PLA2G6: variants seen among roughly 807,000 people sequenced by gnomAD.
The protein encoded by PLA2G6 is phospholipase A2 group VI, also known as 85/88 kDa calcium-independent phospholipase A2.
A neutral mutation model predicts 83.8 loss-of-function variants in PLA2G6; 62 were observed. The ratio of observed to expected loss-of-function variants is 0.74; its 90% CI spans 0.60 to 0.91. The LOEUF (loss-of-function observed/expected upper bound fraction) is 0.91. PLA2G6 is among the 40% of genes least tolerant of loss of function. PLA2G6 has a pLI of 0.00. For synonymous variants in PLA2G6, 417 were observed against 449.8 expected (o/e 0.93, Z 0.92); for missense variants, 944 against 1,102.0 (o/e 0.86, Z 2.03).
rs1254318887 is a variant in PLA2G6, at chr22:38,123,455, G to C, written c.1428-197C>G. On this transcript the variant is annotated intron_variant, in intron 10 of 16. Transcript: ENST00000332509. The surrounding 1 kb of genome is among the most constrained non-coding windows in gnomAD (Gnocchi z 4.1). The stretch of plus-strand genomic sequence containing the variant: ...GGAACAAATGTCTAGTATTTCAGGG[G>C]CTGGAGAGTGCAACAGAGAAAGGGA... Among the ~76,000 whole-genome samples, 2 of 152,174 alleles carry C rather than the reference G, an allele frequency of 1.3e-5. No homozygotes were observed. Among genetic ancestry groups the C allele is most frequent in the Non-Finnish European group, 2.9e-5 (2 of 68,034 alleles).
chr22:38,115,657 C>G lies in PLA2G6; in HGVS notation c.1904G>C (p.Arg635Pro). 1.3e-6 allele frequency: 2 copies of G among 1,534,844 alleles called. No homozygotes were observed. The highest frequency in any genetic ancestry group is 1.7e-6 in the Non-Finnish European group (2 of 1,143,466). Residue 635 changes from arginine to proline, a missense_variant, in exon 14 of 17, where the codon CGA becomes CCA. By Grantham distance (103) the Arg-to-Pro change is moderately radical. Transcript: ENST00000332509. The stretch of plus-strand genomic sequence containing the variant: ...GTAAGTAGGAGCTGCCCCGCTGCTT[C>G]GGGCCGCCCGCCACACCAGCTGGTC... Reference protein sequence around the residue: ...PSDQLVWRAARSSGAAPTYFR... With the variant: ...PSDQLVWRAAPSSGAAPTYFR...
chr22:38,153,099 G>C (rs1236847732), intron 2 of PLA2G6, among the ~76,000 whole-genome samples: 1 of 152,174 alleles, frequency 6.6e-6, no homozygotes, highest in Admixed American at 6.5e-5. Flanking sequence ...GGTTACATGG[G>C]GGTGTTCTGT....
chr22:38,142,897 C>T (rs2089004299), intron 4 of PLA2G6: 1 of 673,924 alleles, frequency 1.5e-6, no homozygotes, highest in Non-Finnish European at 2.7e-6. Context: ...GTTTATCAAG[C>T]AAAGAGACTG....
chr22:38,122,540 C>T (rs1326492065), intron 11 of PLA2G6, among the ~76,000 whole-genome samples: 1 of 152,200 alleles, frequency 6.6e-6, no homozygotes, highest in East Asian at 1.9e-4. Context: ...AGGTGCCAGG[C>T]TGGGAGTCTA....
At chr22:38,124,420 G>A (rs963403189) in intron 10 of PLA2G6, among the ~76,000 whole-genome samples, 5 of 152,078 alleles carry the variant, frequency 3.3e-5, no homozygotes, top group Non-Finnish European at 5.9e-5. Context: ...GCTCTCCAGC[G>A]CGCCCTGACA....
At chr22:38,167,498 T>C (rs1192034846) in intron 2 of PLA2G6, among the ~76,000 whole-genome samples, 3 of 151,544 alleles carry the variant, frequency 2.0e-5, no homozygotes, top group Non-Finnish European at 2.9e-5. Context: ...CTCCAAGGAG[T>C]GGACCCGCTG....
At chr22:38,151,025 C>T (rs1007153948) in intron 2 of PLA2G6, among the ~76,000 whole-genome samples, 4 of 152,062 alleles carry the variant, frequency 2.6e-5, no homozygotes, top group African/African-American at 9.7e-5. Flanking sequence ...AGGCGGAGAT[C>T]GTGCCACTGT....
At chr22:38,144,369 C>G (rs1159204103) in intron 3 of PLA2G6, 3 of 152,480 alleles carry the variant, frequency 2.0e-5, no homozygotes, top group Non-Finnish European at 4.4e-5. Flanking sequence ...GTGGCTCACG[C>G]CTGTAATCCC....
At position 38,116,304 on chromosome 22, in the gene PLA2G6, G is replaced by A. The variant is rs763124628; in HGVS notation, c.1743-93C>T. On this transcript the variant is annotated intron_variant, in intron 12 of 16. Coordinates refer to ENST00000332509, the MANE Select transcript of PLA2G6 (RefSeq NM_003560.4). ...TCACACCCCAGGGCCTTGGGTAGCA[G>A]AGTGCCCACTCCAACCTCTGTTCGG... The A allele has an allele frequency of 7.5e-5, 102 of 1,357,246 alleles. 4 individuals are homozygous for A. The South Asian group carries it at 1.2e-3, about 16-fold the overall frequency. The allele number at this position is 1,357,246 out of a possible 1,614,324, so 84.1% of individuals were successfully genotyped here.
chr22:38,180,140 GACACACACACACACACACACACACAC>G (rs133028), intron 1 of PLA2G6, among the ~76,000 whole-genome samples: 20 of 137,816 alleles, frequency 1.5e-4, no homozygotes, highest in Non-Finnish European at 2.4e-4. Flanking sequence ...GATGTCTGCA[GACACACACACACACACACACACACAC>G]ACACACACAC....
At chr22:38,169,759 G>A (rs2090361735) in intron 1 of PLA2G6, among the ~76,000 whole-genome samples, 2 of 152,228 alleles carry the variant, frequency 1.3e-5, no homozygotes, top group African/African-American at 4.8e-5. Context: ...CAGTGTCCCA[G>A]CAGAGACTCA....
intron 1 of PLA2G6, among the ~76,000 whole-genome samples, chr22:38,180,829 G>T (rs2090816794): frequency 6.6e-6 from 1 of 152,196 alleles, no homozygotes; most frequent in South Asian, 2.1e-4. Flanking sequence ...GACTTGGACA[G>T]AAAACAGGTT....
chr22:38,120,623 G>A (rs1257096738), intron 12 of PLA2G6, 136 bp downstream of exon 12: 1 of 1,076,488 alleles, frequency 9.3e-7, no homozygotes, highest in Admixed American at 1.7e-5. Flanking sequence ...GCCTCCCTGG[G>A]AAGGGGGTTC....
At chr22:38,164,307 G>A (rs1296652127) in intron 2 of PLA2G6, among the ~76,000 whole-genome samples, 4 of 152,204 alleles carry the variant, frequency 2.6e-5, no homozygotes, top group Non-Finnish European at 5.9e-5. Context: ...AAAGGTAAAC[G>A]AGTGGGTTCT....
At chr22:38,118,110 C>T (rs150688338) in intron 12 of PLA2G6, among the ~76,000 whole-genome samples, 119 of 151,582 alleles carry the variant, frequency 7.9e-4, no homozygotes, top group African/African-American at 2.4e-3. Context: ...ACATAAGGTA[C>T]GGTCAAAGAT....
Position 38,115,867 on chromosome 22 carries a change from C to T in PLA2G6, c.1880-186G>A, listed in dbSNP as rs932664861. On this transcript the variant is annotated intron_variant, in intron 13 of 16. Coordinates refer to ENST00000332509, the MANE Select transcript of PLA2G6 (RefSeq NM_003560.4). ...AGTTCGTCCTGGTGGAAGGCAGGTA[C>T]AGCTGAGGACTTTCCAGGGACTTTT... 7.4e-6 allele frequency: 11 copies of T among 1,477,234 alleles called. No individual in the cohort carries two copies. In the African/African-American group the frequency reaches 9.8e-5, roughly 13 times the overall value. 91.5% of individuals were successfully genotyped at this position (1,477,234 alleles called of 1,614,324 possible).
intron 14 of PLA2G6, among the ~76,000 whole-genome samples, chr22:38,114,811 G>A (rs1429517951): frequency 6.6e-6 from 1 of 152,220 alleles, no homozygotes; most frequent in Non-Finnish European, 1.5e-5. Flanking sequence ...GCATGCCAAG[G>A]CCTCGCAGCC....
At chr22:38,121,180 C>A in intron 11 of PLA2G6, 1 of 405,162 alleles carries the variant, frequency 2.5e-6, no homozygotes, top group South Asian at 2.4e-5. Flanking sequence ...GAGTTTGAGA[C>A]CAGCCTGCCC....
intron 3 of PLA2G6, 88 bp downstream of exon 3, chr22:38,145,350 T>A (rs550886266): frequency 1.8e-6 from 2 of 1,128,826 alleles, no homozygotes; most frequent in Admixed American, 4.0e-5. Context: ...TAAGTCAAAC[T>A]ATGGAGGGGA....
Sources: allele counts gnomAD v4.1 joint callset (sites outside exome capture counted in the v4.1 genomes callset), GRCh38; gene constraint gnomAD v4.1.1; non-coding constraint Gnocchi (gnomAD v3.1); transcripts MANE v1.5; gene names NCBI Gene and HGNC (gene_info 2026-07-23, HGNC 2026-07-21).